RBFOX1: variants seen among roughly 807,000 people sequenced by gnomAD.
RBFOX1 encodes RNA binding fox-1 homolog 1.
RBFOX1 carries 8 observed loss-of-function variants against 57.7 expected under a neutral mutation model. That is an observed-to-expected ratio of 0.14 (90% CI 0.08 to 0.25). RBFOX1 has a LOEUF of 0.25. RBFOX1 is among the 10% of genes least tolerant of loss of function. The pLI, the probability that RBFOX1 is intolerant of heterozygous loss-of-function variation, is 1.00. For missense variants in RBFOX1, 611 were observed against 548.5 expected, an observed-to-expected ratio of 1.11 and a Z score of -1.14; for synonymous variants, 326 against 222.4, an observed-to-expected ratio of 1.47 and a Z score of -4.15.
At chr16:6,566,944 A>C (rs2097274956) in intron 2 of RBFOX1, among the ~76,000 whole-genome samples, 1 of 152,168 alleles carries the variant, frequency 6.6e-6, no homozygotes, top group African/African-American at 2.4e-5. Context: ...CATGTTGGAG[A>C]TGAATTTACA....
chr16:5,487,927 T>C (rs376682562), intron 2 of RBFOX1, among the ~76,000 whole-genome samples: 2 of 152,058 alleles, frequency 1.3e-5, no homozygotes, highest in African/African-American at 4.8e-5. Context: ...ATGGTGATGA[T>C]AATGATAATT....
intron 3 of RBFOX1, among the ~76,000 whole-genome samples, chr16:5,814,897 C>T (rs189770982): frequency 0.014 from 2,165 of 152,116 alleles, 57 homozygotes; most frequent in African/African-American, 0.05. Flanking sequence ...CCACTGCAGT[C>T]CGCAGTCCGG....
chr16:7,198,379 T>G (rs1477924121), intron 4 of RBFOX1, among the ~76,000 whole-genome samples: 2 of 152,188 alleles, frequency 1.3e-5, no homozygotes, highest in Non-Finnish European at 2.9e-5. Context: ...TTGTGCAACA[T>G]TGTGAATGTA....
rs1304855124 is a variant in RBFOX1 at position 6,183,516 on chromosome 16, A to AAATAAAT, written c.-126-133476_-126-133470dup. Among the ~76,000 whole-genome samples, 4 of 150,722 alleles carry AAATAAAT rather than the reference A, an allele frequency of 2.7e-5. No homozygotes were observed. The East Asian group carries it at 7.8e-4, about 29-fold the overall frequency. On this transcript the variant is annotated intron_variant, in intron 1 of 15. Transcript: ENST00000550418. ...TAAATAAATAAATAAATAAATAAAT[A>AAATAAAT]AATAAATAAATGTAAGGAGAATAGG...
At chr16:7,361,159 G>T (rs1017682799) in intron 4 of RBFOX1, among the ~76,000 whole-genome samples, 2 of 152,144 alleles carry the variant, frequency 1.3e-5, no homozygotes, top group Non-Finnish European at 1.5e-5. Flanking sequence ...CTCTTTCCAA[G>T]CTTCTGCTCC....
intron 3 of RBFOX1, among the ~76,000 whole-genome samples, chr16:6,656,609 C>CAA (rs1010542390): frequency 6.6e-6 from 1 of 150,660 alleles, no homozygotes; most frequent in African/African-American, 2.5e-5. Flanking sequence ...GACACACACA[C>CAA]ACACACACAC....
chr16:6,887,067 G>T (rs961123475), intron 3 of RBFOX1, among the ~76,000 whole-genome samples: 8 of 152,102 alleles, frequency 5.3e-5, no homozygotes, highest in Admixed American at 1.3e-4. Context: ...TATTGTCCAA[G>T]TTGGATTTTC....
Position 7,088,677 on chromosome 16 carries a change from T to C in RBFOX1, c.27+36579T>C, listed in dbSNP as rs574374247. Among the ~76,000 whole-genome samples the C allele has an allele frequency of 4.6e-5, 7 of 152,310 alleles. No individual in the cohort carries two copies. The South Asian group carries it at 6.2e-4, about 14-fold the overall frequency. ...TGAATGGTTTAGAAAAAATTACTTA[T>C]TATGTTTTGGGAGACAAATATATAT... On this transcript the variant is annotated intron_variant, in intron 4 of 15. Coordinates refer to ENST00000550418, the MANE Select transcript of RBFOX1 (RefSeq NM_018723.4).
chr16:5,528,862 C>G lies in RBFOX1; in HGVS notation c.258+61608C>G, dbSNP rs193241821. ...GTGAGGTTTCACCATGTTGGTTAAG[C>G]TGGTCTTGAACTCCTGAGCTCAAGT... On this transcript the variant is annotated intron_variant, in intron 2 of 2. Coordinates refer to the RBFOX1 transcript ENST00000585867. Among the ~76,000 whole-genome samples the G allele has an allele frequency of 3.4e-3, 517 of 152,228 alleles. 5 individuals carry two copies. Among genetic ancestry groups the G allele is most frequent in the Middle Eastern group, 0.01 (3 of 294 alleles).
intron 4 of RBFOX1, among the ~76,000 whole-genome samples, chr16:7,113,014 G>C (rs1291433109): frequency 1.3e-5 from 2 of 152,196 alleles, no homozygotes; most frequent in Non-Finnish European, 2.9e-5. Flanking sequence ...TCAGGGGTGA[G>C]TCAGACCCAT....
chr16:6,421,118 A>G (rs767590933), intron 2 of RBFOX1, among the ~76,000 whole-genome samples: 1 of 152,194 alleles, frequency 6.6e-6, no homozygotes, highest in Admixed American at 6.5e-5. Context: ...AAGCTTGGAG[A>G]TAAATGAACC....
intron 10 of RBFOX1, among the ~76,000 whole-genome samples, chr16:7,609,173 C>T (rs767942012): frequency 1.3e-5 from 2 of 152,168 alleles, no homozygotes; most frequent in Admixed American, 6.5e-5. Flanking sequence ...CTCCTATATG[C>T]ACATATCTGA....
At chr16:7,577,543 A>G (rs1269168293) in intron 5 of RBFOX1, among the ~76,000 whole-genome samples, 1 of 152,230 alleles carries the variant, frequency 6.6e-6, no homozygotes, top group Admixed American at 6.5e-5. Context: ...CTGAACCTCC[A>G]GCAGTGTCAT....
chr16:7,189,298 C>G (rs947107219), intron 4 of RBFOX1, among the ~76,000 whole-genome samples: 1 of 151,518 alleles, frequency 6.6e-6, no homozygotes, highest in Non-Finnish European at 1.5e-5. Flanking sequence ...TGGTGGCGGG[C>G]GCCTGAAGTC....
intron 3 of RBFOX1, among the ~76,000 whole-genome samples, chr16:5,780,982 G>C (rs369384871): frequency 6.6e-5 from 10 of 152,310 alleles, no homozygotes; most frequent in South Asian, 2.1e-4. Flanking sequence ...GCGGGGTCCC[G>C]CTGGGAGAGG....
chr16:6,538,183 A>T (rs1028436884), intron 2 of RBFOX1, among the ~76,000 whole-genome samples: 1 of 152,196 alleles, frequency 6.6e-6, no homozygotes, highest in Non-Finnish European at 1.5e-5. Flanking sequence ...GCTCAACACC[A>T]TTAGTCATTA....
intron 3 of RBFOX1, among the ~76,000 whole-genome samples, chr16:6,996,607 A>G (rs943734465): frequency 7.2e-5 from 11 of 152,156 alleles, no homozygotes; most frequent in Admixed American, 1.3e-4. Context: ...TAGGCACTGT[A>G]TTTTCATTTA....
At chr16:6,608,995 C>T (rs968400520) in intron 2 of RBFOX1, among the ~76,000 whole-genome samples, 3 of 152,194 alleles carry the variant, frequency 2.0e-5, no homozygotes, top group African/African-American at 7.2e-5. Context: ...GCAAGCCTTT[C>T]TTCCATCAGG....
chr16:5,754,185 C>A (rs1460079464), intron 3 of RBFOX1, among the ~76,000 whole-genome samples: 1 of 152,068 alleles, frequency 6.6e-6, no homozygotes, highest in Non-Finnish European at 1.5e-5. Flanking sequence ...GTTTTGAATC[C>A]CACCTCTGCC....
Sources: gnomAD v4.1 joint callset for allele counts (sites outside exome capture counted in the v4.1 genomes callset) on GRCh38, gnomAD v4.1.1 for gene constraint, MANE v1.5 for transcripts, NCBI Gene and HGNC (gene_info 2026-07-23, HGNC 2026-07-21) for gene names.